FOXL2: variants seen among roughly 807,000 people sequenced by gnomAD.
FOXL2 encodes the protein forkhead box L2.
FOXL2 carries 3 observed loss-of-function variants against 2.5 expected under a neutral mutation model. The ratio of observed to expected loss-of-function variants is 1.20; its 90% CI spans 0.55 to 3.11. The LOEUF is 3.11. FOXL2 is among the 30% of genes most tolerant of loss of function. The probability of loss-of-function intolerance (pLI) is 0.03; values close to 1 mark genes in which losing one functional copy is unlikely to be tolerated. For synonymous variants in FOXL2, 315 were observed against 269.4 expected (o/e 1.17, Z -1.66); for missense variants, 512 against 570.0 (o/e 0.90, Z 1.04).
rs751648653 is a variant in FOXL2 at position 138,946,261 on chromosome 3, C to T, written c.462G>A (p.Arg154=). 66 of 1,597,474 alleles carry T rather than the reference C, an allele frequency of 4.1e-5. No individual in the cohort carries two copies. The highest frequency in any genetic ancestry group is 5.1e-5 in the Non-Finnish European group (60 of 1,172,952). The change falls in exon 1 of 1, where the codon CGG becomes CGA. Residue 154 remains arginine, a synonymous_variant. Transcript: ENST00000648323. ...CGGGCTGGAAGTGCGCGGGCGGCGG[C>T]CGGAAGGGCCTCTTCATGCGGCGGC... ...RRRRRMKRPF[R]PPPAHFQPGK... is the part of the protein sequence containing the mutation.
Position 138,945,417 on chromosome 3 carries a change from G to A in FOXL2, c.*175C>T, listed in dbSNP as rs1000078768. The A allele has an allele frequency of 3.6e-6, 4 of 1,124,378 alleles. No individual in the cohort carries two copies. The African/African-American group carries it at 6.2e-5, about 18-fold the overall frequency. 69.7% of individuals were successfully genotyped at this position (1,124,378 alleles called of 1,614,324 possible). A position where few individuals can be genotyped will look rare whatever the true frequency, so the allele number is the denominator to read the frequency against. ...GGACATAAACTGAGGGGACAAAGAG[G>A]AGCGACAGGAGCTTAGGAAAGCGAA... On this transcript the variant is annotated 3_prime_UTR_variant, in exon 1 of 1. Coordinates refer to ENST00000648323, the MANE Select transcript of FOXL2 (RefSeq NM_023067.4).
chr3:138,945,188 G>C lies in FOXL2; in HGVS notation c.*404C>G, dbSNP rs542718212. ...CAGTCGGGCGGGGAACGCGGAGAGC[G>C]AGCGCACCGACCTGTGAGAGAAGGC... On this transcript the variant is annotated 3_prime_UTR_variant, in exon 1 of 1. Transcript: ENST00000648323. 627 of 246,900 alleles carry C rather than the reference G, an allele frequency of 2.5e-3. 6 individuals are homozygous for C. Among genetic ancestry groups the C allele is most frequent in the African/African-American group, 0.013 (597 of 46,108 alleles). The allele number at this position is 246,900 out of a possible 1,614,324, so 15.3% of individuals were successfully genotyped here.
rs928445396 is a variant in FOXL2, at chr3:138,946,189, C to A, written c.534G>T (p.Val178=). 1 of 1,490,276 alleles carries A rather than the reference C, an allele frequency of 6.7e-7. No individual in the cohort carries two copies. Among genetic ancestry groups the A allele is most frequent in the Non-Finnish European group, 8.9e-7 (1 of 1,126,382 alleles). 92.3% of individuals were successfully genotyped at this position (1,490,276 alleles called of 1,614,324 possible). The change falls in exon 1 of 1, where the codon GTG becomes GTT. Residue 178 remains valine, a synonymous_variant. Transcript: ENST00000648323. The part of the protein sequence containing the change: ...GAGGAAGGCG[V]AGAGADGYGY... ...CGTAGCCGTCGGCCCCGGCGCCCGC[C>A]ACGCCGCACCCGCCTGCGGCGCCTC...
rs972404907 is a variant in FOXL2 at position 138,946,752 on chromosome 3, C to T, written c.-30G>A. On this transcript the variant is annotated 5_prime_UTR_variant, in exon 1 of 1. Transcript: ENST00000648323. The stretch of plus-strand genomic sequence containing the variant: ...AAGCCGGCGCGCCGCGGCCGGGCCG[C>T]CTCTGCTCTCCGCTCCAGGCGCTGG... 63 of 1,549,962 alleles carry T rather than the reference C, an allele frequency of 4.1e-5. No individual in the cohort carries two copies. In the East Asian group the frequency reaches 1.5e-3, roughly 36 times the overall value.
rs1457861608 is a variant in FOXL2, at chr3:138,944,639, T to C, written c.*953A>G. The C allele has an allele frequency of 4.3e-6, 1 of 232,844 alleles. No individual in the cohort carries two copies. Among genetic ancestry groups the C allele is most frequent in the Non-Finnish European group, 8.5e-6 (1 of 117,914 alleles). The allele number at this position is 232,844 out of a possible 1,614,324, so 14.4% of individuals were successfully genotyped here. On this transcript the variant is annotated 3_prime_UTR_variant, in exon 1 of 1. Transcript: ENST00000648323. ...AATTGGTAGACGAAACCATCTTTTA[T>C]TGGATATATTCTCCTAACTCTGAAC... is the stretch of plus-strand genomic sequence containing the variant.
Position 138,945,384 on chromosome 3 carries a change from G to A in FOXL2, c.*208C>T. The stretch of plus-strand genomic sequence containing the variant: ...AAGGTCACAGAGGTCAGGGAGGTGA[G>A]CACAGGAGGACATAAACTGAGGGGA... On this transcript the variant is annotated 3_prime_UTR_variant, in exon 1 of 1. Coordinates refer to ENST00000648323, the MANE Select transcript of FOXL2 (RefSeq NM_023067.4). 1 of 790,188 alleles carries A rather than the reference G, an allele frequency of 1.3e-6. No homozygotes were observed. Among genetic ancestry groups the A allele is most frequent in the East Asian group, 2.9e-5 (1 of 34,146 alleles). 48.9% of individuals were successfully genotyped at this position (790,188 alleles called of 1,614,324 possible).
Position 138,947,078 on chromosome 3 carries a change from G to A in FOXL2, c.-356C>T, listed in dbSNP as rs1935998843. On this transcript the variant is annotated 5_prime_UTR_variant, in exon 1 of 1. Coordinates refer to ENST00000648323, the MANE Select transcript of FOXL2 (RefSeq NM_023067.4). This position sits in a 1 kb window ranked among gnomAD's most constrained non-coding sequence, Gnocchi z 5.2. ...CCCCCGGTTTCCCGAAGCACGACCCGCGTCTCTGGCGGAGCTGCCTCCTGG... is the reference window on the plus strand; with the variant it reads ...CCCCCGGTTTCCCGAAGCACGACCCACGTCTCTGGCGGAGCTGCCTCCTGG... 2.3e-6 allele frequency: 1 copy of A among 431,780 alleles called. No homozygotes were observed. The highest frequency in any genetic ancestry group is 3.9e-6 in the Non-Finnish European group (1 of 253,292). The allele number at this position is 431,780 out of a possible 1,614,324, so 26.7% of individuals were successfully genotyped here.
rs201314625 is a variant in FOXL2 at position 138,945,617 on chromosome 3, G to T, written c.1106C>A (p.Ala369Glu). The T allele has an allele frequency of 1.2e-6, 2 of 1,610,658 alleles. No individual in the cohort carries two copies. Among genetic ancestry groups the T allele is most frequent in the Non-Finnish European group, 1.7e-6 (2 of 1,178,468 alleles). The change falls in exon 1 of 1, where the codon GCG becomes GAG. Residue 369 changes from alanine to glutamate, a missense_variant. Ala to Glu is a moderately radical substitution (Grantham distance 107). This residue lies in a region of FOXL2 where 66 missense variants were observed against 58.3 expected (regional missense o/e 1.13). Transcript: ENST00000648323. The part of the protein sequence containing the change: ...SYWDHDSKTG[A>E]LHSRLDL ...TCAGAGATCGAGGCGCGAATGCAGC[G>T]CGCCGGTCTTGCTGTCGTGGTCCCA...
In FOXL2 at chr3:138,946,008, G is replaced by A; in HGVS notation, c.715C>T (p.Pro239Ser). ...AAAAAAGPGS[P>S]GAAAVVKGLA... ...CCCTTGACCACAGCGGCCGCGCCAG[G>A]GCTACCGGGGCCCGCGGCTGCAGCC... The change falls in exon 1 of 1, where the codon CCT (proline) becomes TCT (serine). Residue 239 changes from proline (P) to serine (S), a missense_variant. Physicochemically the swap from Pro to Ser is moderately conservative, Grantham distance 74 (BLOSUM62 -1). This residue lies in a region of FOXL2 where 287 missense variants were observed against 277.4 expected (regional missense o/e 1.03). Coordinates refer to ENST00000648323, the MANE Select transcript of FOXL2 (RefSeq NM_023067.4). The A allele has an allele frequency of 2.2e-6, 3 of 1,394,188 alleles. No homozygotes were observed. The highest frequency in any genetic ancestry group is 3.8e-5 in the Admixed American group (1 of 26,228). The allele number at this position is 1,394,188 out of a possible 1,614,324, so 86.4% of individuals were successfully genotyped here. A position where few individuals can be genotyped will look rare whatever the true frequency, so the allele number is the denominator to read the frequency against.
In FOXL2 at chr3:138,945,521, G is replaced by A. The variant is rs907490032; in HGVS notation, c.*71C>T. On this transcript the variant is annotated 3_prime_UTR_variant, in exon 1 of 1. Transcript: ENST00000648323. ...AGGTCAGGCTGGCGGCGGCGTCGTC[G>A]GCTGCGACCGGGGCCGGCGTCGCGC... is the stretch of plus-strand genomic sequence containing the variant. 42 of 1,559,622 alleles carry A rather than the reference G, an allele frequency of 2.7e-5. No homozygotes were observed. The highest frequency in any genetic ancestry group is 2.0e-4 in the Middle Eastern group (1 of 5,022).
chr3:138,947,074 A>C lies in FOXL2; in HGVS notation c.-352T>G, dbSNP rs1683475076. On this transcript the variant is annotated 5_prime_UTR_variant, in exon 1 of 1. Coordinates refer to ENST00000648323, the MANE Select transcript of FOXL2 (RefSeq NM_023067.4). This position sits in a 1 kb window ranked among gnomAD's most constrained non-coding sequence, Gnocchi z 5.2. ...CCGCCCCCCGGTTTCCCGAAGCACG[A>C]CCCGCGTCTCTGGCGGAGCTGCCTC... is the stretch of plus-strand genomic sequence containing the variant. The C allele has an allele frequency of 7.9e-6, 2 of 254,114 alleles. No homozygotes were observed. The highest frequency in any genetic ancestry group is 7.0e-6 in the Non-Finnish European group (1 of 142,660). The allele number at this position is 254,114 out of a possible 1,614,324, so 15.7% of individuals were successfully genotyped here. A position where few individuals can be genotyped will look rare whatever the true frequency, so the allele number is the denominator to read the frequency against.
Position 138,946,829 on chromosome 3 carries a change from TC to T in FOXL2, c.-108del. The T allele has an allele frequency of 1.4e-6, 2 of 1,459,902 alleles. No homozygotes were observed. The highest frequency in any genetic ancestry group is 2.4e-5 in the Admixed American group (1 of 42,116). The allele number at this position is 1,459,902 out of a possible 1,614,324, so 90.4% of individuals were successfully genotyped here. On this transcript the variant is annotated 5_prime_UTR_variant, in exon 1 of 1. Transcript: ENST00000648323. ...TCCGCTTACGGCCAAGTCTCAAACTTCTGGAGACTGCGGATGCCGCCCGCGC... is the reference window on the plus strand; with the variant it reads ...TCCGCTTACGGCCAAGTCTCAAACTTTGGAGACTGCGGATGCCGCCCGCGC...
In FOXL2 at chr3:138,945,771, G is replaced by C; in HGVS notation, c.952C>G (p.Pro318Ala). The C allele has an allele frequency of 2.6e-6, 3 of 1,162,134 alleles. No individual in the cohort carries two copies. The highest frequency in any genetic ancestry group is 3.2e-6 in the Non-Finnish European group (3 of 942,474). The allele number at this position is 1,162,134 out of a possible 1,614,324, so 72.0% of individuals were successfully genotyped here. ...CTGGCAGGGCTGAGCTGGCCCGGCGGCGGCGCGGCGGCCCCGTGGTGCGGT... is the reference window on the plus strand; with the variant it reads ...CTGGCAGGGCTGAGCTGGCCCGGCGCCGGCGCGGCGGCCCCGTGGTGCGGT... ...APPHHGAAAP[P>A]PGQLSPASPA... The change falls in exon 1 of 1, where the codon CCG (proline) becomes GCG (alanine). Residue 318 changes from proline to alanine, a missense_variant. Around this residue, in one of 5 missense-constraint regions of FOXL2, gnomAD observed 287 missense variants for 277.4 expected, o/e 1.03. Coordinates refer to ENST00000648323, the MANE Select transcript of FOXL2 (RefSeq NM_023067.4).
In FOXL2 at chr3:138,945,553, G is replaced by T; in HGVS notation, c.*39C>A. On this transcript the variant is annotated 3_prime_UTR_variant, in exon 1 of 1. Coordinates refer to ENST00000648323, the MANE Select transcript of FOXL2 (RefSeq NM_023067.4). ...ACCGGGGCCGGCGTCGCGCGTCCCT[G>T]CATCCTCGCATCCGTCTGCACCGGC... The T allele has an allele frequency of 6.3e-7, 1 of 1,592,006 alleles. No homozygotes were observed. The highest frequency in any genetic ancestry group is 8.6e-7 in the Non-Finnish European group (1 of 1,166,848).
In FOXL2 at chr3:138,945,234, C is replaced by CGATTA; in HGVS notation, c.*357_*358insTAATC. On this transcript the variant is annotated 3_prime_UTR_variant, in exon 1 of 1. Coordinates refer to ENST00000648323, the MANE Select transcript of FOXL2 (RefSeq NM_023067.4). ...AAGGCCAAGAGGTCTGCGCTGCCGA[C>CGATTA]GCCCGGTCGCACCTCCGCCCCGGGC... 7.9e-6 allele frequency: 2 copies of CGATTA among 254,292 alleles called. No individual in the cohort carries two copies. Among genetic ancestry groups the CGATTA allele is most frequent in the Admixed American group, 4.9e-5 (1 of 20,218 alleles). 15.8% of individuals were successfully genotyped at this position (254,292 alleles called of 1,614,324 possible). A position where few individuals can be genotyped will look rare whatever the true frequency, so the allele number is the denominator to read the frequency against.
In FOXL2 at chr3:138,946,027, TGCAGCCGCAGCTGCTGCAGCCGCTGCG is replaced by T. The variant is rs756317861; in HGVS notation, c.669_695del (p.Ala226_Ala234del). 35 of 1,390,332 alleles carry T rather than the reference TGCAGCCGCAGCTGCTGCAGCCGCTGCG, an allele frequency of 2.5e-5. No individual in the cohort carries two copies. Among genetic ancestry groups the T allele is most frequent in the Non-Finnish European group, 3.1e-5 (34 of 1,084,810 alleles). The allele number at this position is 1,390,332 out of a possible 1,614,324, so 86.1% of individuals were successfully genotyped here. Reference sequence around the variant, plus strand: ...CGCCAGGGCTACCGGGGCCCGCGGCTGCAGCCGCAGCTGCTGCAGCCGCTGCGGCTGCCGCCATCTGGCAGGAGGCAT... The same window carrying T: ...CGCCAGGGCTACCGGGGCCCGCGGCTGCTGCCGCCATCTGGCAGGAGGCAT... On this transcript the variant is annotated inframe_deletion, in exon 1 of 1. Coordinates refer to ENST00000648323, the MANE Select transcript of FOXL2 (RefSeq NM_023067.4).
At position 138,947,097 on chromosome 3, in the gene FOXL2, C is replaced by G. The variant is rs1935999456; in HGVS notation, c.-375G>C. On this transcript the variant is annotated 5_prime_UTR_variant, in exon 1 of 1. Coordinates refer to ENST00000648323, the MANE Select transcript of FOXL2 (RefSeq NM_023067.4). The surrounding 1 kb of genome is among the most constrained non-coding windows in gnomAD (Gnocchi z 5.2). ...CGACCCGCGTCTCTGGCGGAGCTGC[C>G]TCCTGGAGTCCCTAGTGCGCCAGGA... 2.2e-6 allele frequency: 1 copy of G among 464,172 alleles called. No individual in the cohort carries two copies. Among genetic ancestry groups the G allele is most frequent in the Middle Eastern group, 5.6e-4 (1 of 1,772 alleles). The allele number at this position is 464,172 out of a possible 1,614,324, so 28.8% of individuals were successfully genotyped here.
Position 138,946,509 on chromosome 3 carries a change from C to G in FOXL2, c.214G>C (p.Glu72Gln). Reference sequence around the variant, plus strand: ...ATGCCGGACAGCGTGAGCCTCTTCTCCGCGCTCTCGCGGATCGCCATGGCG... The same window carrying G: ...ATGCCGGACAGCGTGAGCCTCTTCTGCGCGCTCTCGCGGATCGCCATGGCG... ...LIAMAIRESA[E>Q]KRLTLSGIYQ... Residue 72 changes from glutamate to glutamine, a missense_variant, in exon 1 of 1, where the codon GAG (glutamate) becomes CAG (glutamine). Transcript: ENST00000648323. 1 of 1,613,960 alleles carries G rather than the reference C, an allele frequency of 6.2e-7. No homozygotes were observed. Among genetic ancestry groups the G allele is most frequent in the Non-Finnish European group, 8.5e-7 (1 of 1,180,000 alleles).
Position 138,946,214 on chromosome 3 carries a change from C to G in FOXL2, c.509G>C (p.Gly170Ala). Residue 170 changes from glycine to alanine, a missense_variant, in exon 1 of 1, where the codon GGA becomes GCA. Physicochemically the swap from Gly to Ala is moderately conservative, Grantham distance 60 (BLOSUM62 0). Coordinates refer to ENST00000648323, the MANE Select transcript of FOXL2 (RefSeq NM_023067.4). Reference sequence around the variant, plus strand: ...CACGCCGCACCCGCCTGCGGCGCCTCCGGCCCCGAAGAGCCCCTTGCCGGG... The same window carrying G: ...CACGCCGCACCCGCCTGCGGCGCCTGCGGCCCCGAAGAGCCCCTTGCCGGG... ...FQPGKGLFGA[G>A]GAAGGCGVAG... The G allele has an allele frequency of 6.6e-7, 1 of 1,519,582 alleles. No individual in the cohort carries two copies. Among genetic ancestry groups the G allele is most frequent in the Non-Finnish European group, 8.8e-7 (1 of 1,137,872 alleles). 94.1% of individuals were successfully genotyped at this position (1,519,582 alleles called of 1,614,324 possible).
Sources: allele counts gnomAD v4.1 joint callset, GRCh38; gene constraint gnomAD v4.1.1; regional missense constraint gnomAD v4.1.1; non-coding constraint Gnocchi (gnomAD v3.1); transcripts MANE v1.5; gene names NCBI Gene and HGNC (gene_info 2026-07-23, HGNC 2026-07-21).